ARHGEF33: variants seen among roughly 807,000 people sequenced by gnomAD.
ARHGEF33 encodes Rho guanine nucleotide exchange factor 33.
A neutral mutation model predicts 101.9 loss-of-function variants in ARHGEF33; 72 were observed. That is an observed-to-expected ratio of 0.71 (90% CI 0.58 to 0.86). The LOEUF is 0.86. Ranked by LOEUF, ARHGEF33 falls within the 40% of genes least tolerant of loss-of-function variation. ARHGEF33 has a pLI of 0.00. For missense variants in ARHGEF33, 1,169 were observed against 1,111.3 expected (o/e 1.05, Z -0.74); for synonymous variants, 499 against 442.5 (o/e 1.13, Z -1.60).
chr2:38,957,964 G>T, intron 14 of ARHGEF33, 70 bp from the exon 15 acceptor site: 1 of 1,483,708 alleles, frequency 6.7e-7, no homozygotes. Flanking sequence ...TATCTTTTTT[G>T]GCATAATATG....
At chr2:38,898,552 C>G (rs1187556615) in intron 2 of ARHGEF33, among the ~76,000 whole-genome samples, 1 of 152,158 alleles carries the variant, frequency 6.6e-6, no homozygotes, top group Non-Finnish European at 1.5e-5. Flanking sequence ...TTTAACATCT[C>G]TATATTAAGC....
At chr2:38,921,315 T>G (rs1030676864) in intron 3 of ARHGEF33, 59 bp from the exon 4 acceptor site, 32 of 1,032,668 alleles carry the variant, frequency 3.1e-5, no homozygotes, top group Non-Finnish European at 4.3e-5. Context: ...TGCATGTATC[T>G]GGAGGGGATA....
Position 38,955,763 on chromosome 2 carries a change from G to A in ARHGEF33, c.1222-1136G>A, listed in dbSNP as rs567354835. Among the ~76,000 whole-genome samples, 24 of 151,882 alleles carry A rather than the reference G, an allele frequency of 1.6e-4. No homozygotes were observed. In the East Asian group the frequency reaches 3.3e-3, roughly 21 times the overall value. On this transcript the variant is annotated intron_variant, in intron 13 of 17. Transcript: ENST00000409978. ...ATGATCTCAGCTCACTGCAACCTCC[G>A]CCTCCCGGGTTCATGCCATTTTCCT...
chr2:38,924,830 T>C (rs2124994878), intron 4 of ARHGEF33, among the ~76,000 whole-genome samples: 1 of 152,300 alleles, frequency 6.6e-6, no homozygotes, highest in Middle Eastern at 3.4e-3. Flanking sequence ...CACAGGCATT[T>C]CATATTAAGG....
In ARHGEF33 at chr2:38,951,024, A is replaced by G; in HGVS notation, c.956A>G (p.Gln319Arg). 4.5e-6 allele frequency: 7 copies of G among 1,552,240 alleles called. No homozygotes were observed. Among genetic ancestry groups the G allele is most frequent in the Non-Finnish European group, 6.1e-6 (7 of 1,147,092 alleles). Residue 319 changes from glutamine (Q) to arginine (R), a missense_variant, in exon 11 of 18, where the codon CAG (glutamine) becomes CGG (arginine). By Grantham distance (43) the Gln-to-Arg change is conservative. Transcript: ENST00000409978. ...FPGSLRYLVQ[Q>R]HLDLLHALQE... ...GGCTCTTTACGGTACCTCGTCCAGC[A>G]GCACCTGGATCTGCTTCACGCACTG...
At chr2:38,890,468 C>T (rs1055166521) in intron 1 of ARHGEF33, among the ~76,000 whole-genome samples, 5 of 152,084 alleles carry the variant, frequency 3.3e-5, no homozygotes, top group Non-Finnish European at 7.4e-5. Flanking sequence ...ATGTACAGAA[C>T]AAAAAACATA....
chr2:38,911,073 G>A (rs749649822), intron 2 of ARHGEF33, among the ~76,000 whole-genome samples: 8 of 152,080 alleles, frequency 5.3e-5, no homozygotes, highest in Non-Finnish European at 1.2e-4. Context: ...ATACATGAGA[G>A]TGCTTTGAAA....
chr2:38,939,309 G>A (rs935965499), intron 9 of ARHGEF33, among the ~76,000 whole-genome samples: 1 of 152,056 alleles, frequency 6.6e-6, no homozygotes, highest in Non-Finnish European at 1.5e-5. Context: ...TTTTTTTAGT[G>A]GGGGGATGTA....
intron 11 of ARHGEF33, 143 bp downstream of exon 11, chr2:38,951,264 A>G: frequency 2.5e-6 from 2 of 807,122 alleles, no homozygotes; most frequent in Non-Finnish European, 3.8e-6. Flanking sequence ...CATTCTACAT[A>G]CAGATCATGG....
chr2:38,953,293 A>T (rs1444288406), intron 12 of ARHGEF33, 48 bp downstream of exon 12: 3 of 1,076,586 alleles, frequency 2.8e-6, no homozygotes, highest in Non-Finnish European at 4.2e-6. Context: ...ACATGGCATC[A>T]TATGATGTTG....
intron 2 of ARHGEF33, among the ~76,000 whole-genome samples, chr2:38,906,600 G>A (rs984853094): frequency 2.0e-5 from 3 of 151,996 alleles, no homozygotes; most frequent in Non-Finnish European, 4.4e-5. Context: ...ACTTTTCATT[G>A]ATCAACAAAA....
At chr2:38,902,416 G>C (rs1421608408) in intron 2 of ARHGEF33, among the ~76,000 whole-genome samples, 1 of 152,152 alleles carries the variant, frequency 6.6e-6, no homozygotes, top group Non-Finnish European at 1.5e-5. Context: ...AAGAAATTGG[G>C]ACTCTGTAGT....
chr2:38,938,637 A>T (rs530605188), intron 9 of ARHGEF33, among the ~76,000 whole-genome samples: 1 of 152,214 alleles, frequency 6.6e-6, no homozygotes, highest in Non-Finnish European at 1.5e-5. Context: ...AAGCTAATAG[A>T]CATTTTACAT....
chr2:38,951,271 A>G, intron 11 of ARHGEF33, 150 bp downstream of exon 11: 2 of 780,920 alleles, frequency 2.6e-6, no homozygotes, highest in Non-Finnish European at 3.9e-6. Context: ...CATACAGATC[A>G]TGGAATGATT....
chr2:38,889,993 A>G lies in ARHGEF33; in HGVS notation c.-159+7A>G, dbSNP rs1190920942. On this transcript the variant is annotated splice_region_variant and intron_variant, in intron 1 of 17. Coordinates refer to ENST00000409978, the MANE Select transcript of ARHGEF33 (RefSeq NM_001145451.5). ...CCACCGCAGGCAACATGGGGTAAGT[A>G]TGCGCTTTTATATGCTTTAAGGGGC... The G allele has an allele frequency of 6.4e-6, 3 of 468,724 alleles. No homozygotes were observed. Among genetic ancestry groups the G allele is most frequent in the Non-Finnish European group, 1.3e-5 (3 of 226,076 alleles). 29.0% of individuals were successfully genotyped at this position (468,724 alleles called of 1,614,324 possible).
intron 12 of ARHGEF33, among the ~76,000 whole-genome samples, chr2:38,953,831 T>G (rs923041711): frequency 1.4e-4 from 22 of 152,162 alleles, no homozygotes; most frequent in African/African-American, 5.3e-4. Flanking sequence ...CCCCCACTAC[T>G]CCCAACCCAG....
chr2:38,959,840 G>T lies in ARHGEF33; in HGVS notation c.1536-1G>T, dbSNP rs1361977575. 1 of 1,543,804 alleles carries T rather than the reference G, an allele frequency of 6.5e-7. No individual in the cohort carries two copies. Among genetic ancestry groups the T allele is most frequent in the Non-Finnish European group, 8.8e-7 (1 of 1,141,860 alleles). On this transcript the variant is annotated splice_acceptor_variant, in intron 15 of 17. Coordinates refer to ENST00000409978, the MANE Select transcript of ARHGEF33 (RefSeq NM_001145451.5). LOFTEE classifies it high-confidence loss of function. ...TTTTGTACTCTGTTTTCCCCCTAAA[G>T]ACATCTGATGCCCCCAGTGAAGAAA...
chr2:38,960,096 C>G lies in ARHGEF33; in HGVS notation c.1791C>G (p.Ala597=). 6.5e-7 allele frequency: 1 copy of G among 1,542,128 alleles called. No individual in the cohort carries two copies. The highest frequency in any genetic ancestry group is 8.7e-7 in the Non-Finnish European group (1 of 1,144,874). The change falls in exon 16 of 18, where the codon GCC becomes GCG. Residue 597 remains alanine (A), a synonymous_variant. Coordinates refer to ENST00000409978, the MANE Select transcript of ARHGEF33 (RefSeq NM_001145451.5). ...PLGNVERSLR[A]PAELLPDARG... is the part of the protein sequence containing the mutation. ...GCAACGTGGAGCGCTCCCTGCGCGC[C>G]CCGGCCGAGCTCCTGCCCGATGCCC...
chr2:38,945,980 A>T (rs1364495246), intron 10 of ARHGEF33, among the ~76,000 whole-genome samples: 1 of 152,180 alleles, frequency 6.6e-6, no homozygotes, highest in Non-Finnish European at 1.5e-5. Flanking sequence ...CACTTCCCCA[A>T]AGCCACTGGC....
Sources: allele counts gnomAD v4.1 joint callset (sites outside exome capture counted in the v4.1 genomes callset), GRCh38; gene constraint gnomAD v4.1.1; transcripts MANE v1.5; gene names NCBI Gene and HGNC (gene_info 2026-07-23, HGNC 2026-07-21).